NENF: variants seen among roughly 807,000 people sequenced by gnomAD.
NENF encodes the protein neudesin.
In NENF, 6 loss-of-function variants were observed where a neutral mutation model predicts 14.8. The ratio of observed to expected loss-of-function variants is 0.40; its 90% CI spans 0.22 to 0.80. NENF has a LOEUF of 0.80. Among genes scored for constraint, NENF ranks in the 30% least tolerant of loss-of-function variants. NENF has a pLI of 0.34. For missense variants in NENF, 184 were observed against 212.7 expected, an observed-to-expected ratio of 0.87 and a Z score of 0.84; for synonymous variants, 76 against 95.1, an observed-to-expected ratio of 0.80 and a Z score of 1.17.
At chr1:212,436,531 G>A (rs141898885) in intron 1 of NENF, among the ~76,000 whole-genome samples, 7,745 of 152,034 alleles carry the variant, frequency 0.051, 284 homozygotes, top group Non-Finnish European at 0.076. Flanking sequence ...GCTAGTCTTG[G>A]ACTCCTGACC....
At chr1:212,441,092 G>A (rs1008247607) in intron 1 of NENF, among the ~76,000 whole-genome samples, 3 of 152,100 alleles carry the variant, frequency 2.0e-5, no homozygotes, top group African/African-American at 4.8e-5. Context: ...TCTTGGTGGG[G>A]AAATTCTGAG....
intron 3 of NENF, 34 bp downstream of exon 3, chr1:212,444,476 T>C: frequency 6.9e-7 from 1 of 1,445,846 alleles, no homozygotes; most frequent in Non-Finnish European, 9.5e-7. Flanking sequence ...TAAAATCCTC[T>C]ACCTCCTTGT....
At position 212,438,566 on chromosome 1, in the gene NENF, AGGCTG is replaced by A. The variant is rs763954852; in HGVS notation, c.178-3997_178-3993del. On this transcript the variant is annotated intron_variant, in intron 1 of 3. Coordinates refer to ENST00000366988, the MANE Select transcript of NENF (RefSeq NM_013349.5). The stretch of plus-strand genomic sequence containing the variant: ...GAGACAAAGTCTCACTCTGTCACCC[AGGCTG>A]GAGTGCAGTGGCTGATTTTGTTTTG... 7.1e-4 allele frequency among the ~76,000 whole-genome samples: 107 copies of A among 151,560 alleles called. No individual in the cohort carries two copies. In the Middle Eastern group the frequency reaches 0.01, roughly 15 times the overall value.
intron 2 of NENF, 84 bp downstream of exon 2, chr1:212,442,709 A>T: frequency 1.1e-6 from 1 of 916,044 alleles, no homozygotes; most frequent in South Asian, 1.3e-5. Context: ...GAGGAAAGGG[A>T]GGGAACATTA....
chr1:212,440,433 G>A (rs1054461365), intron 1 of NENF, among the ~76,000 whole-genome samples: 8 of 152,050 alleles, frequency 5.3e-5, no homozygotes, highest in Admixed American at 6.6e-5. Flanking sequence ...AAGGAAAGGC[G>A]GTAAATCATC....
At position 212,433,790 on chromosome 1, in the gene NENF, C is replaced by A. The variant is rs1373866866; in HGVS notation, c.177+670C>A. Among the ~76,000 whole-genome samples the A allele has an allele frequency of 2.6e-5, 4 of 152,054 alleles. No homozygotes were observed. The highest frequency in any genetic ancestry group is 9.7e-5 in the African/African-American group (4 of 41,390). On this transcript the variant is annotated intron_variant, in intron 1 of 3. Transcript: ENST00000366988. This position sits in a 1 kb window ranked among gnomAD's most constrained non-coding sequence, Gnocchi z 5.5. ...CACACGTCAATAGTCTAGAGGCGTCCAGAAAACTCACAACCACCTGCCCAC... is the reference window on the plus strand; with the variant it reads ...CACACGTCAATAGTCTAGAGGCGTCAAGAAAACTCACAACCACCTGCCCAC...
rs147713641 is a variant in NENF at position 212,434,037 on chromosome 1, C to T, written c.177+917C>T. On this transcript the variant is annotated intron_variant, in intron 1 of 3. Coordinates refer to ENST00000366988, the MANE Select transcript of NENF (RefSeq NM_013349.5). ...GTTTTTCAAAACCCTCTGGCCTGGT[C>T]TCGCTAATTCCTGAGTTAATTGGCC... Among the ~76,000 whole-genome samples the T allele has an allele frequency of 1.1e-3, 166 of 152,256 alleles. 6 individuals are homozygous for T. The East Asian group carries it at 0.031, about 28-fold the overall frequency.
rs1007135258 is a variant in NENF, at chr1:212,433,370, C to T, written c.177+250C>T. Among the ~76,000 whole-genome samples the T allele has an allele frequency of 5.9e-5, 9 of 152,080 alleles. No homozygotes were observed. The highest frequency in any genetic ancestry group is 2.2e-4 in the African/African-American group (9 of 41,432). ...CCCCACCCTGAACTTCTCCCTCGGT[C>T]CCCGGGAGATTTCCCCTCTAGCCGC... is the stretch of plus-strand genomic sequence containing the variant. On this transcript the variant is annotated intron_variant, in intron 1 of 3. Coordinates refer to ENST00000366988, the MANE Select transcript of NENF (RefSeq NM_013349.5). This position sits in a 1 kb window ranked among gnomAD's most constrained non-coding sequence, Gnocchi z 5.5.
At chr1:212,437,876 G>T (rs199960728) in intron 1 of NENF, among the ~76,000 whole-genome samples, 3 of 152,186 alleles carry the variant, frequency 2.0e-5, no homozygotes, top group Non-Finnish European at 4.4e-5. Context: ...AATCTGGGCG[G>T]GGTGTGGTGG....
At chr1:212,445,787 A>G (rs1662769042) in intron 3 of NENF, 43 bp from the exon 4 acceptor site, 3 of 1,607,030 alleles carry the variant, frequency 1.9e-6, no homozygotes, top group Non-Finnish European at 1.7e-6. Context: ...AACACTATCC[A>G]CTTAACCCCA....
rs1201837356 is a variant in NENF, at chr1:212,433,565, G to A, written c.177+445G>A. ...GGAATTGAGACAGGTCCTGGGATAA[G>A]CCAGTCTTTGCCTGCACTTCCTTTT... On this transcript the variant is annotated intron_variant, in intron 1 of 3. Transcript: ENST00000366988. The surrounding 1 kb of genome is among the most constrained non-coding windows in gnomAD (Gnocchi z 5.5). Among the ~76,000 whole-genome samples, 1 of 152,062 alleles carries A rather than the reference G, an allele frequency of 6.6e-6. No individual in the cohort carries two copies. Among genetic ancestry groups the A allele is most frequent in the Non-Finnish European group, 1.5e-5 (1 of 68,004 alleles).
chr1:212,437,135 C>T (rs1294841652), intron 1 of NENF, among the ~76,000 whole-genome samples: 1 of 152,136 alleles, frequency 6.6e-6, no homozygotes, highest in East Asian at 1.9e-4. Flanking sequence ...TCCTTTCATG[C>T]ACTACAGAAA....
Position 212,439,688 on chromosome 1 carries a change from C to CAAAA in NENF, c.178-2858_178-2855dup, listed in dbSNP as rs1218927992. On this transcript the variant is annotated intron_variant, in intron 1 of 3. Coordinates refer to ENST00000366988, the MANE Select transcript of NENF (RefSeq NM_013349.5). ...GTGAAACCTGTCTCTACTAAATATACAAAAAAAAAAAAAAAAAAAAAATTG... is the reference window on the plus strand; with the variant it reads ...GTGAAACCTGTCTCTACTAAATATACAAAAAAAAAAAAAAAAAAAAAAAAAATTG... Among the ~76,000 whole-genome samples, 378 of 60,870 alleles carry CAAAA rather than the reference C, an allele frequency of 6.2e-3. 7 individuals are homozygous for CAAAA. The highest frequency in any genetic ancestry group is 0.015 in the South Asian group (22 of 1,490). The allele number at this position is 60,870 out of a possible 152,430, so 39.9% of individuals were successfully genotyped here.
intron 1 of NENF, among the ~76,000 whole-genome samples, chr1:212,434,382 A>G (rs1662571910): frequency 2.6e-5 from 4 of 152,142 alleles, no homozygotes; most frequent in Admixed American, 2.6e-4. Context: ...ATAACGGTGG[A>G]CTCACTTGCC....
chr1:212,444,268 C>T, intron 2 of NENF, 71 bp from the exon 3 acceptor site: 1 of 1,011,084 alleles, frequency 9.9e-7, no homozygotes, highest in Non-Finnish European at 1.4e-6. Context: ...TGGGAGCGCC[C>T]CCACGTGCAA....
rs576279617 is a variant in NENF, at chr1:212,433,724, C to T, written c.177+604C>T. 1.3e-4 allele frequency among the ~76,000 whole-genome samples: 20 copies of T among 151,928 alleles called. No homozygotes were observed. The East Asian group carries it at 3.7e-3, about 28-fold the overall frequency. The stretch of plus-strand genomic sequence containing the variant: ...AGGTTAGAGACCCCCACAACCCCCC[C>T]GCCACACGTCAATAGAGACCCCCCC... On this transcript the variant is annotated intron_variant, in intron 1 of 3. Transcript: ENST00000366988. The surrounding 1 kb of genome is among the most constrained non-coding windows in gnomAD (Gnocchi z 5.5).
rs1263187882 is a variant in NENF, at chr1:212,433,066, G to C, written c.123G>C (p.Gly41=). 1 of 1,195,006 alleles carries C rather than the reference G, an allele frequency of 8.4e-7. No homozygotes were observed. Among genetic ancestry groups the C allele is most frequent in the Non-Finnish European group, 1.0e-6 (1 of 963,910 alleles). 74.0% of individuals were successfully genotyped at this position (1,195,006 alleles called of 1,614,324 possible). A position where few individuals can be genotyped will look rare whatever the true frequency, so the allele number is the denominator to read the frequency against. The change falls in exon 1 of 4, where the codon GGG becomes GGC. Residue 41 remains glycine (G), a synonymous_variant. Transcript: ENST00000366988. This position sits in a 1 kb window ranked among gnomAD's most constrained non-coding sequence, Gnocchi z 5.5. The part of the protein sequence containing the change: ...AGQTPRPAER[G]PPVRLFTEEE... ...AGACACCGCGCCCTGCCGAGCGGGG[G>C]CCCCCAGTGCGGCTTTTCACCGAGG...
rs368363420 is a variant in NENF, at chr1:212,436,822, C to T, written c.177+3702C>T. 4.0e-5 allele frequency among the ~76,000 whole-genome samples: 6 copies of T among 151,876 alleles called. No individual in the cohort carries two copies. The South Asian group carries it at 8.3e-4, about 21-fold the overall frequency. On this transcript the variant is annotated intron_variant, in intron 1 of 3. Coordinates refer to ENST00000366988, the MANE Select transcript of NENF (RefSeq NM_013349.5). ...ACTTGGCTGAGTGTGGTGGCTCACACCTGTAATCCCAGCACTCACTTTGGG... is the reference window on the plus strand; with the variant it reads ...ACTTGGCTGAGTGTGGTGGCTCACATCTGTAATCCCAGCACTCACTTTGGG...
chr1:212,437,750 T>G (rs1035990957), intron 1 of NENF, among the ~76,000 whole-genome samples: 1 of 152,196 alleles, frequency 6.6e-6, no homozygotes. Flanking sequence ...CAAGAGCCAG[T>G]TCTTTCCTTT....
Sources: allele counts gnomAD v4.1 joint callset (sites outside exome capture counted in the v4.1 genomes callset), GRCh38; gene constraint gnomAD v4.1.1; non-coding constraint Gnocchi (gnomAD v3.1); transcripts MANE v1.5; gene names NCBI Gene and HGNC (gene_info 2026-07-23, HGNC 2026-07-21).